The following C5 variants were observed in gnomAD, a reference collection of about 807,000 sequenced individuals.
C5 encodes the protein C3 and PZP-like alpha-2-macroglobulin domain-containing protein 4.
Under a neutral mutation model 218.8 loss-of-function variants are expected in C5, and 140 were observed. The observed-to-expected ratio is 0.64, with a 90% CI of 0.56 to 0.74. The LOEUF (loss-of-function observed/expected upper bound fraction) is 0.74. C5 is among the 30% of genes least tolerant of loss of function. The pLI, the probability that C5 is intolerant of heterozygous loss-of-function variation, is 0.00. For synonymous variants in C5, 614 were observed against 682.3 expected (o/e 0.90, Z 1.56); for missense variants, 1,700 against 1,969.6 (o/e 0.86, Z 2.59).
chr9:121,000,121 A>G (rs569363615), intron 20 of C5: 17 of 211,314 alleles, frequency 8.0e-5, no homozygotes, highest in African/African-American at 3.3e-4. Context: ...CATACAAAAG[A>G]GATGGCAGGC....
At chr9:120,975,840 A>G (rs1318705196) in intron 29 of C5, among the ~76,000 whole-genome samples, 1 of 152,202 alleles carries the variant, frequency 6.6e-6, no homozygotes, top group Non-Finnish European at 1.5e-5. Context: ...TGTCCATTGC[A>G]TTTAGCAGGT....
intron 4 of C5, among the ~76,000 whole-genome samples, chr9:121,036,594 C>T (rs959987040): frequency 1.7e-5 from 2 of 116,830 alleles, no homozygotes; most frequent in Non-Finnish European, 3.9e-5. Context: ...TTTCTTCTTG[C>T]CCCCATAGCT....
chr9:121,043,212 T>C, intron 2 of C5, 46 bp from the exon 3 acceptor site: 3 of 1,433,364 alleles, frequency 2.1e-6, no homozygotes, highest in Non-Finnish European at 2.9e-6. Flanking sequence ...ATTCTAAAGT[T>C]ATTAAACCAT....
chr9:121,070,417 ATATATATATG>A, the C5 span, among the ~76,000 whole-genome samples: 56 of 128,546 alleles, frequency 4.4e-4, no homozygotes, highest in African/African-American at 1.6e-3. Context: ...ATATATATAT[ATATATATATG>A]TATGTATATT....
chr9:121,074,854 A>C, the C5 span: 2 of 456,252 alleles, frequency 4.4e-6, no homozygotes, highest in Admixed American at 2.3e-5. Flanking sequence ...CGCTGGCTGC[A>C]AAAGAGGCGG....
chr9:121,019,986 T>C lies in C5; in HGVS notation c.1496A>G (p.Tyr499Cys), dbSNP rs2131769304. The change falls in exon 12 of 41, where the codon TAT (tyrosine) becomes TGT (cysteine). Residue 499 changes from tyrosine (Y) to cysteine (C), a missense_variant. Coordinates refer to ENST00000223642, the MANE Select transcript of C5 (RefSeq NM_001735.3). ...KSPYIDKITH[Y>C]NYLILSKGKI... ...TCATTATGTACTTACCAAGTAATTA[T>C]AGTGAGTTATTTTGTCAATATATGG... The C allele has an allele frequency of 1.3e-6, 2 of 1,584,164 alleles. No homozygotes were observed. The highest frequency in any genetic ancestry group is 8.7e-7 in the Non-Finnish European group (1 of 1,152,934).
intron 1 of C5, among the ~76,000 whole-genome samples, chr9:121,048,392 C>G (rs1008184106): frequency 2.0e-5 from 3 of 152,244 alleles, no homozygotes; most frequent in Non-Finnish European, 4.4e-5. Context: ...GCATTAGATT[C>G]TCCTAGGAGC....
chr9:120,980,396 T>C, intron 27 of C5, 142 bp from the exon 28 acceptor site: 7 of 729,172 alleles, frequency 9.6e-6, no homozygotes. Context: ...GGATGGCTTC[T>C]CAGTGAAGCA....
chr9:121,073,371 G>T, the C5 span, among the ~76,000 whole-genome samples: 1 of 152,094 alleles, frequency 6.6e-6, no homozygotes, highest in Non-Finnish European at 1.5e-5. Flanking sequence ...CTTCTTTTGG[G>T]CGTAGAAAGA....
intron 25 of C5, among the ~76,000 whole-genome samples, chr9:120,988,461 C>T (rs1048135397): frequency 6.6e-6 from 1 of 152,060 alleles, no homozygotes; most frequent in Non-Finnish European, 1.5e-5. Flanking sequence ...CATGCTGACA[C>T]CTAAGGAGGA....
intron 3 of C5, 34 bp from the exon 4 acceptor site, chr9:121,037,985 C>T (rs2047543808): frequency 3.1e-6 from 3 of 981,118 alleles, no homozygotes; most frequent in Non-Finnish European, 1.6e-6. Context: ...AAAAACTCTG[C>T]TAAAAACAAG....
At chr9:121,072,172 T>C in the C5 span, among the ~76,000 whole-genome samples, 1 of 152,230 alleles carries the variant, frequency 6.6e-6, no homozygotes, top group East Asian at 1.9e-4. Context: ...ATGGGACCGG[T>C]GAGTGCCCAT....
At chr9:121,053,461 G>A (rs971657984), upstream of C5, among the ~76,000 whole-genome samples, 2 of 152,150 alleles carry the variant, frequency 1.3e-5, no homozygotes, top group Non-Finnish European at 2.9e-5. Flanking sequence ...GAGGGCGGAG[G>A]TGGAGCAAGA....
intron 3 of C5, among the ~76,000 whole-genome samples, chr9:121,041,396 C>G (rs2047579442): frequency 7.1e-6 from 1 of 141,704 alleles, no homozygotes; most frequent in African/African-American, 2.6e-5. Flanking sequence ...CCTCTGCCAC[C>G]TGGGTTCAAG....
chr9:120,965,695 T>C (rs1206975649), intron 33 of C5, among the ~76,000 whole-genome samples: 1 of 152,134 alleles, frequency 6.6e-6, no homozygotes, highest in East Asian at 1.9e-4. Flanking sequence ...TATAAAACAC[T>C]TGGAACTCTA....
At chr9:121,041,728 A>G (rs1442346162) in intron 3 of C5, among the ~76,000 whole-genome samples, 1 of 152,184 alleles carries the variant, frequency 6.6e-6, no homozygotes, top group African/African-American at 2.4e-5. Context: ...GAATCCTTCA[A>G]TGTAGGAGGA....
Position 120,976,849 on chromosome 9 carries a change from C to A in C5, c.3715G>T (p.Val1239Leu). The change falls in exon 29 of 41, where the codon GTA becomes TTA. Residue 1239 changes from valine to leucine, a missense_variant. Transcript: ENST00000223642. ...ATACGTGCCGTACCAGTGTTAGGTA[C>A]AGAGCTGTCTTTATGCTGAAGATTG... ...KDNLQHKDSSVPNTGTARMVE... is the reference protein window; with the variant it reads ...KDNLQHKDSSLPNTGTARMVE... 6.2e-7 allele frequency: 1 copy of A among 1,614,082 alleles called. No homozygotes were observed. The highest frequency in any genetic ancestry group is 8.5e-7 in the Non-Finnish European group (1 of 1,179,990).
intron 3 of C5, among the ~76,000 whole-genome samples, chr9:121,041,118 A>G (rs1330620711): frequency 4.7e-5 from 7 of 150,236 alleles, no homozygotes; most frequent in Non-Finnish European, 7.4e-5. Flanking sequence ...TAATTTTTGT[A>G]TTTTTAGTGG....
the C5 span, among the ~76,000 whole-genome samples, chr9:121,057,298 ATAAT>A: frequency 7.2e-5 from 11 of 152,346 alleles, no homozygotes; most frequent in South Asian, 2.1e-4. Context: ...GCTGGTAAAA[ATAAT>A]TACACAGAGA....
Sources: allele counts gnomAD v4.1 joint callset (sites outside exome capture counted in the v4.1 genomes callset), GRCh38; gene constraint gnomAD v4.1.1; transcripts MANE v1.5; gene names NCBI Gene and HGNC (gene_info 2026-07-23, HGNC 2026-07-21).